Variants in OCIAD1 observed in about 807,000 individuals in gnomAD.
OCIAD1 encodes OCIA domain-containing protein 1.
OCIAD1 carries 29 observed loss-of-function variants against 38.9 expected under a neutral mutation model. The ratio of observed to expected loss-of-function variants is 0.74; its 90% CI spans 0.55 to 1.02. OCIAD1 has a LOEUF of 1.02. Ranked by LOEUF, OCIAD1 falls within the 50% of genes least tolerant of loss-of-function variation. OCIAD1 has a pLI of 0.00. For missense variants in OCIAD1, 288 were observed against 289.6 expected, an observed-to-expected ratio of 0.99 and a Z score of 0.04; for synonymous variants, 110 against 92.0, an observed-to-expected ratio of 1.20 and a Z score of -1.12.
chr4:48,849,922 CTTT>C (rs1380780760), intron 5 of OCIAD1, 22 bp from the exon 6 acceptor site: 1 of 1,584,218 alleles, frequency 6.3e-7, no homozygotes, highest in Non-Finnish European at 8.6e-7. Context: ...TTCAGTTACA[CTTT>C]TTGTTTGATT....
chr4:48,834,564 G>A (rs1311679908), intron 3 of OCIAD1, among the ~76,000 whole-genome samples: 1 of 152,288 alleles, frequency 6.6e-6, no homozygotes, highest in East Asian at 1.9e-4. Flanking sequence ...GAGCCCAGAA[G>A]TTCAAGACCA....
intron 1 of OCIAD1, among the ~76,000 whole-genome samples, chr4:48,813,427 G>A (rs563940294): frequency 6.6e-6 from 1 of 152,354 alleles, no homozygotes; most frequent in African/African-American, 2.4e-5. Context: ...GCGGAGGTGA[G>A]TGGATCGCCT....
chr4:48,818,823 T>C (rs972142411), intron 1 of OCIAD1, among the ~76,000 whole-genome samples: 1 of 151,990 alleles, frequency 6.6e-6, no homozygotes, highest in Non-Finnish European at 1.5e-5. Flanking sequence ...GAAAGGATAT[T>C]GGATATTAAA....
intron 1 of OCIAD1, among the ~76,000 whole-genome samples, chr4:48,821,877 G>C (rs1457673922): frequency 6.6e-6 from 1 of 152,140 alleles, no homozygotes; most frequent in East Asian, 1.9e-4. Flanking sequence ...ACAAACCACT[G>C]CTCAAGGAAA....
At position 48,824,242 on chromosome 4, in the gene OCIAD1, A is replaced by G. The variant is rs182592059; in HGVS notation, c.-102-6335A>G. On this transcript the variant is annotated intron_variant, in intron 1 of 6. Coordinates refer to the OCIAD1 transcript ENST00000504654. ...AGCAATCCACCTGCCTTGGCCTCCCAAAGTGCTGGGATTACAGGTGTGAGC... is the reference window on the plus strand; with the variant it reads ...AGCAATCCACCTGCCTTGGCCTCCCGAAGTGCTGGGATTACAGGTGTGAGC... 2.1e-3 allele frequency among the ~76,000 whole-genome samples: 316 copies of G among 152,100 alleles called. 1 individual carries two copies. Among genetic ancestry groups the G allele is most frequent in the African/African-American group, 6.9e-3 (288 of 41,510 alleles).
At chr4:48,843,524 G>T (rs1347942286) in intron 4 of OCIAD1, among the ~76,000 whole-genome samples, 6 of 152,168 alleles carry the variant, frequency 3.9e-5, no homozygotes, top group Middle Eastern at 3.2e-3. Context: ...GTTGATAAAA[G>T]TAGTTTTGGA....
At position 48,842,673 on chromosome 4, in the gene OCIAD1, A is replaced by G; in HGVS notation, c.177A>G (p.Gln59=). Reference sequence around the variant, plus strand: ...CTGCAACAAGTATGTTGATTACTCAAGGATTAATTAGTAAAGGTAAATATT... The same window carrying G: ...CTGCAACAAGTATGTTGATTACTCAGGGATTAATTAGTAAAGGTAAATATT... The part of the protein sequence containing the change: ...PLAATSMLIT[Q]GLISKGILSS... The change falls in exon 4 of 9, where the codon CAA becomes CAG. Residue 59 remains glutamine (Q), a synonymous_variant. Coordinates refer to ENST00000264312, the MANE Select transcript of OCIAD1 (RefSeq NM_017830.4). 2.6e-6 allele frequency: 4 copies of G among 1,552,474 alleles called. No homozygotes were observed. Among genetic ancestry groups the G allele is most frequent in the South Asian group, 2.4e-5 (2 of 83,094 alleles).
intron 1 of OCIAD1, among the ~76,000 whole-genome samples, chr4:48,813,056 G>A (rs558712811): frequency 4.9e-4 from 75 of 152,228 alleles, no homozygotes; most frequent in Middle Eastern, 6.8e-3. Flanking sequence ...CATACTATAC[G>A]GGTACAGGTG....
intron 8 of OCIAD1, among the ~76,000 whole-genome samples, chr4:48,858,888 A>G (rs1384866503): frequency 6.6e-6 from 1 of 152,344 alleles, no homozygotes. Context: ...AAATTTTTTG[A>G]TACAAGTTTA....
At chr4:48,857,402 G>A in intron 8 of OCIAD1, 37 bp downstream of exon 8, 5 of 1,369,182 alleles carry the variant, frequency 3.7e-6, no homozygotes, top group Non-Finnish European at 4.9e-6. Flanking sequence ...TACTGTTGAG[G>A]ATTGGAAACT....
chr4:48,858,479 G>C (rs983173735), intron 8 of OCIAD1, among the ~76,000 whole-genome samples: 3 of 151,990 alleles, frequency 2.0e-5, no homozygotes, highest in African/African-American at 7.3e-5. Context: ...TTTTTGAGAT[G>C]GTTTTATTCT....
At chr4:48,860,309 TA>T (rs963898233) in intron 8 of OCIAD1, 1 of 152,800 alleles carries the variant, frequency 6.5e-6, no homozygotes, top group Non-Finnish European at 1.5e-5. Context: ...TATTTCCCAC[TA>T]TTTTTTTTTT....
At chr4:48,855,726 C>T (rs9637562) in intron 7 of OCIAD1, among the ~76,000 whole-genome samples, 77,209 of 151,364 alleles carry the variant, frequency 0.51, 19,996 homozygotes, top group South Asian at 0.6. Flanking sequence ...TCAGGCAGGA[C>T]AATCACTGGA....
chr4:48,815,583 C>T (rs1159831962), intron 1 of OCIAD1, among the ~76,000 whole-genome samples: 1 of 152,192 alleles, frequency 6.6e-6, no homozygotes, highest in Non-Finnish European at 1.5e-5. Flanking sequence ...GTAGATCTGA[C>T]ATATGAACAA....
At chr4:48,838,879 T>C (rs1364932404) in intron 3 of OCIAD1, among the ~76,000 whole-genome samples, 1 of 152,196 alleles carries the variant, frequency 6.6e-6, no homozygotes, top group Non-Finnish European at 1.5e-5. Context: ...ATCTGAAATA[T>C]AACTATGAAG....
At chr4:48,858,336 G>A (rs1780285010) in intron 8 of OCIAD1, among the ~76,000 whole-genome samples, 1 of 152,202 alleles carries the variant, frequency 6.6e-6, no homozygotes, top group South Asian at 2.1e-4. Context: ...ATAAGTTGCT[G>A]TAGTGACCTG....
At position 48,842,653 on chromosome 4, in the gene OCIAD1, A is replaced by G. The variant is rs145703928; in HGVS notation, c.157A>G (p.Thr53Ala). 105 of 1,576,724 alleles carry G rather than the reference A, an allele frequency of 6.7e-5. No homozygotes were observed. The highest frequency in any genetic ancestry group is 6.7e-5 in the Non-Finnish European group (78 of 1,162,680). ...FWFRSVPLAA[T>A]SMLITQGLIS... is the part of the protein sequence containing the mutation. ...TCCTATAGCTGTGCCTTTGGCTGCA[A>G]CAAGTATGTTGATTACTCAAGGATT... is the stretch of plus-strand genomic sequence containing the variant. Residue 53 changes from threonine (T) to alanine (A), a missense_variant, in exon 4 of 9, where the codon ACA becomes GCA. Physicochemically the swap from Thr to Ala is moderately conservative, Grantham distance 58. Coordinates refer to ENST00000264312, the MANE Select transcript of OCIAD1 (RefSeq NM_017830.4).
chr4:48,842,517 A>G (rs750339736), intron 3 of OCIAD1, 119 bp from the exon 4 acceptor site: 24 of 665,048 alleles, frequency 3.6e-5, no homozygotes, highest in Admixed American at 9.1e-5. Context: ...GTCTTTTTTA[A>G]AGGTCTTAGT....
intron 4 of OCIAD1, among the ~76,000 whole-genome samples, chr4:48,846,041 A>C (rs1365358019): frequency 2.6e-5 from 4 of 152,188 alleles, no homozygotes; most frequent in African/African-American, 9.7e-5. Context: ...CAACCATGAC[A>C]CTATTATCTT....
Sources: gnomAD v4.1 joint callset for allele counts (sites outside exome capture counted in the v4.1 genomes callset) on GRCh38, gnomAD v4.1.1 for gene constraint, MANE v1.5 for transcripts, NCBI Gene and HGNC (gene_info 2026-07-23, HGNC 2026-07-21) for gene names.